DOCK1: variants seen among roughly 807,000 people sequenced by gnomAD.
DOCK1 encodes the protein dedicator of cytokinesis 1.
DOCK1 carries 138 observed loss-of-function variants against 262.7 expected under a neutral mutation model. The observed-to-expected ratio is 0.53, with a 90% confidence interval of 0.46 to 0.61. DOCK1 has a LOEUF of 0.61. Among genes scored for constraint, DOCK1 ranks in the 20% least tolerant of loss-of-function variants. The pLI is 0.00. For synonymous variants in DOCK1, 866 were observed against 867.4 expected, an observed-to-expected ratio of 1.00 and a Z score of 0.03; for missense variants, 1,908 against 2,370.7, an observed-to-expected ratio of 0.80 and a Z score of 4.05.
intron 38 of DOCK1, among the ~76,000 whole-genome samples, chr10:127,394,934 G>T (rs1049106425): frequency 2.0e-5 from 3 of 152,188 alleles, no homozygotes; most frequent in Admixed American, 1.3e-4. Flanking sequence ...TATCCCACAG[G>T]TGCAGGAGTG....
At chr10:127,443,650 G>A (rs2070338213) in intron 49 of DOCK1, among the ~76,000 whole-genome samples, 1 of 152,096 alleles carries the variant, frequency 6.6e-6, no homozygotes. Flanking sequence ...ACCCCAAGAA[G>A]GTCATACAGT....
chr10:127,260,664 C>A (rs1402510763), intron 29 of DOCK1, among the ~76,000 whole-genome samples: 2 of 130,118 alleles, frequency 1.5e-5, no homozygotes, highest in Non-Finnish European at 3.2e-5. Context: ...TGTGTGTGTC[C>A]CTGCATGTGT....
chr10:127,439,805 T>G (rs2069965011), intron 49 of DOCK1, among the ~76,000 whole-genome samples: 1 of 152,170 alleles, frequency 6.6e-6, no homozygotes, highest in Non-Finnish European at 1.5e-5. Flanking sequence ...TGACCCGTAC[T>G]GCTGAGCTGA....
intron 10 of DOCK1, among the ~76,000 whole-genome samples, chr10:127,005,842 A>G (rs1464477201): frequency 6.6e-6 from 1 of 152,072 alleles, no homozygotes; most frequent in East Asian, 1.9e-4. Context: ...ATGTCTTTTT[A>G]GTCCCTTTTT....
chr10:127,352,145 T>C (rs1032085332), intron 31 of DOCK1, among the ~76,000 whole-genome samples: 2 of 144,306 alleles, frequency 1.4e-5, no homozygotes, highest in Non-Finnish European at 3.0e-5. Context: ...AGAAGCACTG[T>C]GCAGGGAGGC....
In DOCK1 at chr10:127,060,370, A is replaced by AC. The variant is rs1175191037; in HGVS notation, c.2337-1295dup. 4.6e-5 allele frequency among the ~76,000 whole-genome samples: 7 copies of AC among 151,782 alleles called. No individual in the cohort carries two copies. In the East Asian group the frequency reaches 1.4e-3, roughly 29 times the overall value. The stretch of plus-strand genomic sequence containing the variant: ...TCATTTAAGCAAACCCCATTTGAAA[A>AC]CCCTTATTTACAAAACAGATCCACT... On this transcript the variant is annotated intron_variant, in intron 22 of 51. Transcript: ENST00000623213.
At chr10:127,131,251 T>A (rs1592142233) in intron 27 of DOCK1, among the ~76,000 whole-genome samples, 1 of 152,010 alleles carries the variant, frequency 6.6e-6, no homozygotes, top group Non-Finnish European at 1.5e-5. Flanking sequence ...AGAACAAACT[T>A]CCCACCTCCA....
chr10:126,923,962 C>T (rs79503354), intron 1 of DOCK1, among the ~76,000 whole-genome samples: 4,197 of 152,304 alleles, frequency 0.028, 209 homozygotes, highest in African/African-American at 0.096. Context: ...TTGGACTTTC[C>T]CAGCCTCCAC....
intron 11 of DOCK1, among the ~76,000 whole-genome samples, chr10:127,009,268 G>A (rs896385919): frequency 1.3e-5 from 2 of 152,040 alleles, no homozygotes; most frequent in African/African-American, 2.4e-5. Context: ...TTTGTGTCTC[G>A]GTTTTTGCTT....
intron 27 of DOCK1, 60 bp downstream of exon 27, chr10:127,127,824 A>G: frequency 6.9e-7 from 1 of 1,450,630 alleles, no homozygotes; most frequent in East Asian, 2.3e-5. Context: ...TCCTTCTCCA[A>G]CTGCTGTTTG....
chr10:126,998,496 ACT>A (rs543978375), intron 8 of DOCK1: 149 of 421,388 alleles, frequency 3.5e-4, no homozygotes, highest in African/African-American at 2.7e-3. Context: ...TTGCAGGTAC[ACT>A]CTGGCCGTAT....
In DOCK1 at chr10:127,151,692, C is replaced by T. The variant is rs549144989; in HGVS notation, c.2847+23928C>T. 4.0e-3 allele frequency among the ~76,000 whole-genome samples: 612 copies of T among 152,296 alleles called. 1 individual carries two copies. Among genetic ancestry groups the T allele is most frequent in the Admixed American group, 7.2e-3 (110 of 15,302 alleles). On this transcript the variant is annotated intron_variant, in intron 27 of 51. Coordinates refer to ENST00000623213, the MANE Select transcript of DOCK1 (RefSeq NM_001290223.2). ...GATGAGTAGTCATGCATTTTCCCTGCTCGTATGAGATAACCAGAGCGATCA... is the reference window on the plus strand; with the variant it reads ...GATGAGTAGTCATGCATTTTCCCTGTTCGTATGAGATAACCAGAGCGATCA...
At chr10:127,343,403 T>C (rs538979034) in intron 30 of DOCK1, among the ~76,000 whole-genome samples, 1 of 152,268 alleles carries the variant, frequency 6.6e-6, no homozygotes, top group South Asian at 2.1e-4. Flanking sequence ...CAGAGAGAGG[T>C]TAGAGTCTGA....
intron 21 of DOCK1, among the ~76,000 whole-genome samples, chr10:127,047,158 T>C (rs1432296449): frequency 6.6e-6 from 1 of 150,432 alleles, no homozygotes; most frequent in African/African-American, 2.5e-5. Context: ...GTTGTTCTTT[T>C]ATTATGTGTA....
intron 27 of DOCK1, among the ~76,000 whole-genome samples, chr10:127,207,791 A>T (rs2057791450): frequency 6.6e-6 from 1 of 152,232 alleles, no homozygotes; most frequent in East Asian, 1.9e-4. Flanking sequence ...ATGGGCAACT[A>T]CTGAGTTCCA....
Position 127,012,269 on chromosome 10 carries a change from A to T in DOCK1, c.1096A>T (p.Asn366Tyr). ...LDDAIRHKPL[N>Y]MSSRFSPRVA... is the part of the protein sequence containing the mutation. ...CGACGCCATTCGACACAAGCCGCTG[A>T]ACATGTCATCCCGTTTTTCACCCAG... is the stretch of plus-strand genomic sequence containing the variant. The change falls in exon 12 of 52, where the codon AAC becomes TAC. Residue 366 changes from asparagine to tyrosine, a missense_variant. This residue lies in a region of DOCK1 where 57 missense variants were observed against 39.7 expected (regional missense o/e 1.44). Transcript: ENST00000623213. The surrounding 1 kb of genome is among the most constrained non-coding windows in gnomAD (Gnocchi z 4.0). The T allele has an allele frequency of 6.2e-7, 1 of 1,613,294 alleles. No individual in the cohort carries two copies. Among genetic ancestry groups the T allele is most frequent in the Admixed American group, 1.7e-5 (1 of 60,028 alleles).
chr10:127,058,763 G>A (rs1254525052), intron 22 of DOCK1, among the ~76,000 whole-genome samples: 1 of 152,042 alleles, frequency 6.6e-6, no homozygotes, highest in East Asian at 1.9e-4. Flanking sequence ...CCAATCCACT[G>A]ATAATGCTAG....
chr10:127,026,652 CCTT>C, intron 16 of DOCK1: 1 of 558,470 alleles, frequency 1.8e-6, no homozygotes, highest in Non-Finnish European at 3.1e-6. Flanking sequence ...TTGCTGGTCC[CCTT>C]CTTTCTTTTG....
chr10:127,241,831 A>G (rs2059275259), intron 27 of DOCK1, among the ~76,000 whole-genome samples: 1 of 152,142 alleles, frequency 6.6e-6, no homozygotes, highest in Non-Finnish European at 1.5e-5. Context: ...TCCCTTGTCC[A>G]GAGAGTAAAC....
Sources: gnomAD v4.1 joint callset for allele counts (sites outside exome capture counted in the v4.1 genomes callset) on GRCh38, gnomAD v4.1.1 for gene constraint, gnomAD v4.1.1 regional missense constraint, Gnocchi (gnomAD v3.1) non-coding constraint, MANE v1.5 for transcripts, NCBI Gene and HGNC (gene_info 2026-07-23, HGNC 2026-07-21) for gene names.